The following EEA1 variants were observed in gnomAD, a reference collection of about 807,000 sequenced individuals.
EEA1 encodes the protein early endosome antigen 1, 162kD.
Under a neutral mutation model 209.2 loss-of-function variants are expected in EEA1, and 111 were observed. The observed-to-expected ratio is 0.53, with a 90% CI of 0.45 to 0.62. The LOEUF is 0.62. EEA1 is among the 20% of genes least tolerant of loss of function. The pLI, the probability that EEA1 is intolerant of heterozygous loss-of-function variation, is 0.00. For synonymous variants in EEA1, 536 were observed against 540.6 expected, an observed-to-expected ratio of 0.99 and a Z score of 0.12; for missense variants, 1,343 against 1,530.8, an observed-to-expected ratio of 0.88 and a Z score of 2.05.
intron 21 of EEA1, among the ~76,000 whole-genome samples, chr12:92,788,314 G>A (rs567984238): frequency 2.0e-5 from 3 of 151,136 alleles, no homozygotes; most frequent in Non-Finnish European, 4.4e-5. Context: ...AGTACTATCA[G>A]GTCTCGGGAG....
intron 12 of EEA1, 44 bp from the exon 13 acceptor site, chr12:92,826,329 T>TG (rs1333768246): frequency 6.4e-7 from 1 of 1,561,410 alleles, no homozygotes; most frequent in South Asian, 1.1e-5. Context: ...AAAGGCATAA[T>TG]GCTATCATTC....
chr12:92,882,318 G>A (rs1246884305), intron 2 of EEA1, among the ~76,000 whole-genome samples: 1 of 151,904 alleles, frequency 6.6e-6, no homozygotes, highest in Non-Finnish European at 1.5e-5. Context: ...ACGTTGGCCA[G>A]GCTGGTCTCA....
chr12:92,916,318 G>C (rs1175039193), intron 1 of EEA1, among the ~76,000 whole-genome samples: 1 of 152,022 alleles, frequency 6.6e-6, no homozygotes, highest in African/African-American at 2.4e-5. Flanking sequence ...TTCTTGAACA[G>C]AGATCTGTGG....
At position 92,842,545 on chromosome 12, in the gene EEA1, C is replaced by T. The variant is rs548320749; in HGVS notation, c.835G>A (p.Gly279Ser). Residue 279 changes from glycine (G) to serine (S), a missense_variant, in exon 10 of 29, where the codon GGC becomes AGC. Transcript: ENST00000322349. Reference protein sequence around the residue: ...ISQLRSELAKGPQEVAVYVQE... With the variant: ...ISQLRSELAKSPQEVAVYVQE... ...ACATATACAGCAACTTCCTGGGGGC[C>T]TTTGGCAAGTTCACTCCTTAGCTGG... 3 of 1,606,500 alleles carry T rather than the reference C, an allele frequency of 1.9e-6. No homozygotes were observed. The highest frequency in any genetic ancestry group is 2.3e-5 in the East Asian group (1 of 44,436).
At chr12:92,860,842 A>G (rs1878113490) in intron 3 of EEA1, among the ~76,000 whole-genome samples, 1 of 152,014 alleles carries the variant, frequency 6.6e-6, no homozygotes, top group Admixed American at 6.6e-5. Flanking sequence ...CTCAATTCCA[A>G]CAGTTTAATG....
At chr12:92,906,003 C>T (rs1322721874) in intron 1 of EEA1, among the ~76,000 whole-genome samples, 1 of 151,990 alleles carries the variant, frequency 6.6e-6, no homozygotes, top group Non-Finnish European at 1.5e-5. Context: ...ATTTCCTGGG[C>T]TCAAGCCATC....
intron 17 of EEA1, among the ~76,000 whole-genome samples, chr12:92,810,024 T>A (rs1347911377): frequency 6.6e-6 from 1 of 152,190 alleles, no homozygotes; most frequent in Non-Finnish European, 1.5e-5. Flanking sequence ...AGAATATAGT[T>A]TGCATCTCAC....
At chr12:92,831,994 G>A (rs1230758233) in intron 11 of EEA1, among the ~76,000 whole-genome samples, 2 of 151,156 alleles carry the variant, frequency 1.3e-5, no homozygotes, top group African/African-American at 2.4e-5. Flanking sequence ...GGCTGAGGCA[G>A]GAGAATGGCG....
intron 15 of EEA1, among the ~76,000 whole-genome samples, chr12:92,813,743 G>A (rs764863790): frequency 5.3e-5 from 8 of 152,118 alleles, no homozygotes; most frequent in Non-Finnish European, 1.0e-4. Flanking sequence ...GGCCAAGTGC[G>A]GTGGCTCACA....
At chr12:92,919,922 C>A (rs1880919201) in intron 1 of EEA1, among the ~76,000 whole-genome samples, 1 of 82,390 alleles carries the variant, frequency 1.2e-5, no homozygotes, top group Non-Finnish European at 2.4e-5. Flanking sequence ...AATCAATGTA[C>A]AAAAATCACA....
At chr12:92,813,701 C>T (rs1375600903) in intron 15 of EEA1, among the ~76,000 whole-genome samples, 1 of 152,138 alleles carries the variant, frequency 6.6e-6, no homozygotes, top group Non-Finnish European at 1.5e-5. Context: ...ACCTTTAGTA[C>T]AACTCACCTC....
intron 1 of EEA1, among the ~76,000 whole-genome samples, chr12:92,924,338 G>A (rs1881129280): frequency 6.7e-6 from 1 of 149,458 alleles, no homozygotes; most frequent in Admixed American, 6.8e-5. Context: ...TTCCCTAATA[G>A]CTGGGATTAC....
intron 21 of EEA1, among the ~76,000 whole-genome samples, chr12:92,797,273 A>G (rs749125482): frequency 1.2e-4 from 19 of 152,120 alleles, no homozygotes; most frequent in Non-Finnish European, 2.4e-4. Flanking sequence ...TTTTTAGTAG[A>G]GACAGGATTT....
chr12:92,912,182 C>T (rs1039397752), intron 1 of EEA1, among the ~76,000 whole-genome samples: 4 of 152,174 alleles, frequency 2.6e-5, no homozygotes, highest in African/African-American at 7.2e-5. Flanking sequence ...AACTCGACTA[C>T]GTCCCTTATT....
chr12:92,798,854 T>A, intron 21 of EEA1, 38 bp downstream of exon 21: 1 of 1,463,512 alleles, frequency 6.8e-7, no homozygotes, highest in South Asian at 1.5e-5. Context: ...AATTGCCAAG[T>A]TTTTCTTCCT....
Position 92,852,293 on chromosome 12 carries a change from A to G in EEA1, c.524T>C (p.Ile175Thr). 1 of 1,555,888 alleles carries G rather than the reference A, an allele frequency of 6.4e-7. No individual in the cohort carries two copies. The highest frequency in any genetic ancestry group is 8.6e-7 in the Non-Finnish European group (1 of 1,156,248). Residue 175 changes from isoleucine (I) to threonine (T), a missense_variant, in exon 8 of 29, where the codon ATA becomes ACA. Physicochemically the swap from Ile to Thr is moderately conservative, Grantham distance 89. This residue lies in a region of EEA1 where 1,307 missense variants were observed against 1,465.5 expected (regional missense o/e 0.89). Transcript: ENST00000322349. ...CCTTTCTTCATCATACTTTGACTTT[A>G]TATCTAATTAAAGATAGTTATATAA... ...AAQLATEIAD[I>T]KSKYDEERSL...
chr12:92,919,445 C>T (rs1311714318), intron 1 of EEA1, among the ~76,000 whole-genome samples: 3 of 136,142 alleles, frequency 2.2e-5, no homozygotes, highest in African/African-American at 5.5e-5. Flanking sequence ...GTTCAATATA[C>T]GCAAATCAAT....
chr12:92,876,138 C>T (rs1192261400), intron 2 of EEA1, among the ~76,000 whole-genome samples: 1 of 152,136 alleles, frequency 6.6e-6, no homozygotes, highest in Admixed American at 6.5e-5. Context: ...GTGGCAGAAT[C>T]ATGATTAACT....
intron 8 of EEA1, 106 bp from the exon 9 acceptor site, chr12:92,851,372 A>G: frequency 2.6e-6 from 3 of 1,158,418 alleles, no homozygotes; most frequent in Admixed American, 2.7e-5. Flanking sequence ...ACAATCATCA[A>G]TATCAATTTT....
Sources: gnomAD v4.1 joint callset for allele counts (sites outside exome capture counted in the v4.1 genomes callset) on GRCh38, gnomAD v4.1.1 for gene constraint, gnomAD v4.1.1 regional missense constraint, MANE v1.5 for transcripts, NCBI Gene and HGNC (gene_info 2026-07-23, HGNC 2026-07-21) for gene names.